The following MAP3K4 variants were observed in gnomAD, a reference collection of about 807,000 sequenced individuals.
MAP3K4 encodes the protein mitogen-activated protein kinase kinase kinase 4, also known as MAP three kinase 1.
Under a neutral mutation model 185.6 loss-of-function variants are expected in MAP3K4, and 67 were observed. The observed-to-expected ratio is 0.36, with a 90% CI of 0.30 to 0.44. The LOEUF (loss-of-function observed/expected upper bound fraction) is 0.44. Ranked by LOEUF, MAP3K4 falls within the 20% of genes least tolerant of loss-of-function variation. The probability of loss-of-function intolerance (pLI) is 1.00; values close to 1 mark genes in which losing one functional copy is unlikely to be tolerated. For missense variants in MAP3K4, 1,551 were observed against 1,995.1 expected, an observed-to-expected ratio of 0.78 and a Z score of 4.24; for synonymous variants, 702 against 710.4, an observed-to-expected ratio of 0.99 and a Z score of 0.19.
intron 4 of MAP3K4, among the ~76,000 whole-genome samples, chr6:161,072,731 G>A (rs140565610): frequency 1.1e-4 from 17 of 152,296 alleles, no homozygotes; most frequent in South Asian, 2.1e-4. Context: ...ATGTGACTGT[G>A]TGATCTCATA....
At chr6:161,059,873 T>TG (rs201734836) in intron 3 of MAP3K4, among the ~76,000 whole-genome samples, 1 of 151,776 alleles carries the variant, frequency 6.6e-6, no homozygotes, top group East Asian at 1.9e-4. Context: ...TTTTTTTTTT[T>TG]GCCATATATG....
Position 161,117,137 on chromosome 6 carries a change from G to A in MAP3K4, c.*267G>A. ...GGACCATCGCCTCTGTCTCCTCCGT[G>A]TCTCGCGCGACTGAGAACCGTGACA... is the stretch of plus-strand genomic sequence containing the variant. On this transcript the variant is annotated 3_prime_UTR_variant, in exon 27 of 27. Coordinates refer to ENST00000392142, the MANE Select transcript of MAP3K4 (RefSeq NM_005922.4). 2.2e-6 allele frequency: 1 copy of A among 454,016 alleles called. No individual in the cohort carries two copies. Among genetic ancestry groups the A allele is most frequent in the Non-Finnish European group, 3.9e-6 (1 of 254,886 alleles). The allele number at this position is 454,016 out of a possible 1,614,324, so 28.1% of individuals were successfully genotyped here. A position where few individuals can be genotyped will look rare whatever the true frequency, so the allele number is the denominator to read the frequency against.
Position 161,070,937 on chromosome 6 carries a change from T to C in MAP3K4, c.1950+87T>C. ...TTTTTATTTTGAGAGTTCCTTTTTT[T>C]TTCTTAATTGTCGCAAATAGTGAAA... On this transcript the variant is annotated intron_variant, in intron 4 of 26. Coordinates refer to ENST00000392142, the MANE Select transcript of MAP3K4 (RefSeq NM_005922.4). This position sits in a 1 kb window ranked among gnomAD's most constrained non-coding sequence, Gnocchi z 4.5. 7.9e-7 allele frequency: 1 copy of C among 1,263,690 alleles called. No homozygotes were observed. Among genetic ancestry groups the C allele is most frequent in the Admixed American group, 3.0e-5 (1 of 33,790 alleles). 78.3% of individuals were successfully genotyped at this position (1,263,690 alleles called of 1,614,324 possible).
intron 2 of MAP3K4, among the ~76,000 whole-genome samples, chr6:161,045,457 G>A (rs1274077382): frequency 6.6e-6 from 1 of 152,122 alleles, no homozygotes. Flanking sequence ...TGTTTATGTG[G>A]AAAAATGGGA....
chr6:161,081,768 G>T (rs575119497), intron 6 of MAP3K4, among the ~76,000 whole-genome samples: 1 of 152,346 alleles, frequency 6.6e-6, no homozygotes, highest in South Asian at 2.1e-4. Flanking sequence ...TGGCTCAGAT[G>T]AGGATCAGTG....
At chr6:161,011,117 A>G (rs945253458) in intron 1 of MAP3K4, among the ~76,000 whole-genome samples, 1 of 152,206 alleles carries the variant, frequency 6.6e-6, no homozygotes, top group African/African-American at 2.4e-5. Flanking sequence ...TGGAGAGAAA[A>G]CAAGGTGCTG....
In MAP3K4 at chr6:161,097,864, G is replaced by T. The variant is rs894498265; in HGVS notation, c.3525-414G>T. Among the ~76,000 whole-genome samples, 1 of 152,008 alleles carries T rather than the reference G, an allele frequency of 6.6e-6. No homozygotes were observed. The highest frequency in any genetic ancestry group is 1.5e-5 in the Non-Finnish European group (1 of 68,008). On this transcript the variant is annotated intron_variant, in intron 16 of 26. Coordinates refer to ENST00000392142, the MANE Select transcript of MAP3K4 (RefSeq NM_005922.4). This position sits in a 1 kb window ranked among gnomAD's most constrained non-coding sequence, Gnocchi z 4.9. ...GCACTTTAGGAGGACGAGGCGGGAG[G>T]ATCACTTGAGCCCAGGAGAACAGCC... is the stretch of plus-strand genomic sequence containing the variant.
At chr6:161,026,222 C>G (rs575317598) in intron 1 of MAP3K4, among the ~76,000 whole-genome samples, 1 of 152,046 alleles carries the variant, frequency 6.6e-6, no homozygotes, top group Non-Finnish European at 1.5e-5. Flanking sequence ...GCTCTGCCTC[C>G]TGGGTTCATG....
rs757456002 is a variant in MAP3K4, at chr6:161,093,165, T to C, written c.3348+109T>C. The C allele has an allele frequency of 1.4e-4, 93 of 681,786 alleles. No homozygotes were observed. Among genetic ancestry groups the C allele is most frequent in the Non-Finnish European group, 2.1e-4 (84 of 396,236 alleles). The allele number at this position is 681,786 out of a possible 1,614,324, so 42.2% of individuals were successfully genotyped here. On this transcript the variant is annotated intron_variant, in intron 14 of 26. Transcript: ENST00000392142. This position sits in a 1 kb window ranked among gnomAD's most constrained non-coding sequence, Gnocchi z 5.2. ...AGTGGTTTTTTTCATGAGATATTAA[T>C]CTCAGCATATCATGTAATGATAATG...
rs954202177 is a variant in MAP3K4 at position 161,061,289 on chromosome 6, A to G, written c.1708-9319A>G. On this transcript the variant is annotated intron_variant, in intron 3 of 26. Transcript: ENST00000392142. This position sits in a 1 kb window ranked among gnomAD's most constrained non-coding sequence, Gnocchi z 4.2. The stretch of plus-strand genomic sequence containing the variant: ...CAGTGTGATTACTGGAAAACAGTTC[A>G]AGTTTTGTTTTTGACCATCCTTAGG... Among the ~76,000 whole-genome samples, 1 of 152,240 alleles carries G rather than the reference A, an allele frequency of 6.6e-6. No homozygotes were observed. Among genetic ancestry groups the G allele is most frequent in the African/African-American group, 2.4e-5 (1 of 41,456 alleles).
At chr6:160,994,246 C>A (rs1384530238) in intron 1 of MAP3K4, among the ~76,000 whole-genome samples, 1 of 152,000 alleles carries the variant, frequency 6.6e-6, no homozygotes, top group Non-Finnish European at 1.5e-5. Context: ...ACCTGTCACC[C>A]AAGCAATGTA....
chr6:161,020,702 C>T (rs1211753476), intron 1 of MAP3K4, among the ~76,000 whole-genome samples: 1 of 149,224 alleles, frequency 6.7e-6, no homozygotes, highest in African/African-American at 2.5e-5. Context: ...CATGCATGCA[C>T]ATAATGAAAA....
chr6:161,002,442 G>GTA (rs1781365983), intron 1 of MAP3K4, among the ~76,000 whole-genome samples: 1 of 152,090 alleles, frequency 6.6e-6, no homozygotes, highest in African/African-American at 2.4e-5. Flanking sequence ...AGAAAAGTGA[G>GTA]TGAAATCTTC....
chr6:161,081,180 C>G (rs1303074914), intron 6 of MAP3K4, 142 bp downstream of exon 6: 57 of 912,614 alleles, frequency 6.2e-5, no homozygotes, highest in Non-Finnish European at 8.3e-5. Flanking sequence ...CACCCTCTTC[C>G]AAGTTTTGAG....
chr6:161,011,723 T>C (rs1282040503), intron 1 of MAP3K4, among the ~76,000 whole-genome samples: 1 of 152,122 alleles, frequency 6.6e-6, no homozygotes, highest in Non-Finnish European at 1.5e-5. Flanking sequence ...TATGTGTGTA[T>C]TGAGGAACAG....
rs1783576072 is a variant in MAP3K4 at position 161,043,381 on chromosome 6, T to G, written c.344-5235T>G. Among the ~76,000 whole-genome samples the G allele has an allele frequency of 6.6e-6, 1 of 152,204 alleles. No homozygotes were observed. The highest frequency in any genetic ancestry group is 1.9e-4 in the East Asian group (1 of 5,192). On this transcript the variant is annotated intron_variant, in intron 2 of 26. Coordinates refer to ENST00000392142, the MANE Select transcript of MAP3K4 (RefSeq NM_005922.4). The surrounding 1 kb of genome is among the most constrained non-coding windows in gnomAD (Gnocchi z 4.3). ...CCCAAATCAAGTACTTGCTTTTACTTTAAGCCTTTACAGACTAGTTAGCCT... is the reference window on the plus strand; with the variant it reads ...CCCAAATCAAGTACTTGCTTTTACTGTAAGCCTTTACAGACTAGTTAGCCT...
At position 161,076,803 on chromosome 6, in the gene MAP3K4, T is replaced by C. The variant is rs1205225167; in HGVS notation, c.2097+3191T>C. Among the ~76,000 whole-genome samples the C allele has an allele frequency of 6.6e-6, 1 of 152,210 alleles. No individual in the cohort carries two copies. The highest frequency in any genetic ancestry group is 1.5e-5 in the Non-Finnish European group (1 of 68,046). ...TAAGTTTTCATCCTACAGATAATTA[T>C]TGGGTATCCACTGTGTGCCAGGCAG... On this transcript the variant is annotated intron_variant, in intron 5 of 26. Coordinates refer to ENST00000392142, the MANE Select transcript of MAP3K4 (RefSeq NM_005922.4). This position sits in a 1 kb window ranked among gnomAD's most constrained non-coding sequence, Gnocchi z 4.2.
At chr6:161,092,476 T>C (rs897906540) in intron 13 of MAP3K4, among the ~76,000 whole-genome samples, 1 of 152,130 alleles carries the variant, frequency 6.6e-6, no homozygotes, top group African/African-American at 2.4e-5. Flanking sequence ...GTGAAATGGG[T>C]GAATCGTCTG....
At position 161,116,324 on chromosome 6, in the gene MAP3K4, A is replaced by AT. The variant is rs1219296370; in HGVS notation, c.4807-522dup. ...TACCTGGGGCTGGCACTCAAGAGGG[A>AT]TTTTGGGTAGGGCACAGGTGTGGGA... On this transcript the variant is annotated intron_variant, in intron 26 of 26. Transcript: ENST00000392142. The surrounding 1 kb of genome is among the most constrained non-coding windows in gnomAD (Gnocchi z 6.2). Among the ~76,000 whole-genome samples the AT allele has an allele frequency of 6.6e-6, 1 of 151,748 alleles. No homozygotes were observed. Among genetic ancestry groups the AT allele is most frequent in the African/African-American group, 2.4e-5 (1 of 41,264 alleles).
Sources: allele counts gnomAD v4.1 joint callset (sites outside exome capture counted in the v4.1 genomes callset), GRCh38; gene constraint gnomAD v4.1.1; non-coding constraint Gnocchi (gnomAD v3.1); transcripts MANE v1.5; gene names NCBI Gene and HGNC (gene_info 2026-07-23, HGNC 2026-07-21).